The following PTPRM variants were observed in gnomAD, a reference collection of about 807,000 sequenced individuals.
The protein encoded by PTPRM is receptor-type tyrosine-protein phosphatase mu.
A neutral mutation model predicts 186.7 loss-of-function variants in PTPRM; 47 were observed. The observed-to-expected ratio is 0.25, with a 90% CI of 0.20 to 0.32. The LOEUF (loss-of-function observed/expected upper bound fraction) is 0.32, where lower values mean the gene tolerates loss of function less well. Ranked by LOEUF, PTPRM falls within the 10% of genes least tolerant of loss-of-function variation. The pLI, the probability that PTPRM is intolerant of heterozygous loss-of-function variation, is 1.00. For synonymous variants in PTPRM, 668 were observed against 674.9 expected (o/e 0.99, Z 0.16); for missense variants, 1,494 against 1,865.0 (o/e 0.80, Z 3.66).
chr18:7,735,065 G>A (rs902403043), intron 1 of PTPRM, among the ~76,000 whole-genome samples: 2 of 152,188 alleles, frequency 1.3e-5, no homozygotes, highest in African/African-American at 4.8e-5. Context: ...GACCAGGCAT[G>A]CCTCATTGTA....
chr18:7,800,436 G>A (rs544598172), intron 2 of PTPRM, among the ~76,000 whole-genome samples: 41 of 152,108 alleles, frequency 2.7e-4, no homozygotes, highest in Non-Finnish European at 4.7e-4. Flanking sequence ...AGTGGCTGAG[G>A]GCAAGGTCAG....
At chr18:7,620,421 C>T (rs1428594373) in intron 1 of PTPRM, among the ~76,000 whole-genome samples, 2 of 152,156 alleles carry the variant, frequency 1.3e-5, no homozygotes, top group South Asian at 2.1e-4. Context: ...CCTGGACCCC[C>T]GACCCCTCTT....
intron 2 of PTPRM, among the ~76,000 whole-genome samples, chr18:7,862,570 T>C (rs1033954422): frequency 2.0e-5 from 3 of 152,198 alleles, no homozygotes; most frequent in African/African-American, 7.2e-5. Flanking sequence ...GAAGAAAGTT[T>C]TAAGCAAGTG....
chr18:7,798,605 C>A (rs1346256284), intron 2 of PTPRM, among the ~76,000 whole-genome samples: 5 of 151,682 alleles, frequency 3.3e-5, no homozygotes, highest in Non-Finnish European at 7.4e-5. Context: ...TAAAAAATTA[C>A]CTCAACACCT....
chr18:7,713,034 A>G (rs961092144), intron 1 of PTPRM, among the ~76,000 whole-genome samples: 2 of 152,108 alleles, frequency 1.3e-5, no homozygotes, highest in African/African-American at 4.8e-5. Flanking sequence ...ACAAAGATAC[A>G]CCTTGAGAAG....
At chr18:8,077,592 A>G (rs16952843) in intron 9 of PTPRM, among the ~76,000 whole-genome samples, 4,695 of 152,286 alleles carry the variant, frequency 0.031, 235 homozygotes, top group African/African-American at 0.11. Context: ...CTCAGCTTTT[A>G]TAGAGCTAAG....
At chr18:8,230,402 T>G (rs945663565) in intron 14 of PTPRM, among the ~76,000 whole-genome samples, 3 of 152,230 alleles carry the variant, frequency 2.0e-5, no homozygotes, top group Non-Finnish European at 4.4e-5. Context: ...CTGGGAACTT[T>G]ATGGACAGTG....
intron 1 of PTPRM, among the ~76,000 whole-genome samples, chr18:7,591,300 T>G (rs1438432683): frequency 2.6e-5 from 4 of 152,202 alleles, no homozygotes; most frequent in African/African-American, 4.8e-5. Flanking sequence ...CACTCCTAAT[T>G]GTATTAAATC....
chr18:7,665,781 G>A (rs2039081299), intron 1 of PTPRM, among the ~76,000 whole-genome samples: 1 of 152,036 alleles, frequency 6.6e-6, no homozygotes, highest in African/African-American at 2.4e-5. Flanking sequence ...AATTAGCTGG[G>A]TGTGGTGGTG....
At chr18:8,086,069 A>T (rs1276447072) in intron 10 of PTPRM, among the ~76,000 whole-genome samples, 197 bp downstream of exon 10, 1 of 152,144 alleles carries the variant, frequency 6.6e-6, no homozygotes, top group African/African-American at 2.4e-5. Context: ...AGATCCTCAC[A>T]TGTTAGGAAG....
intron 19 of PTPRM, among the ~76,000 whole-genome samples, chr18:8,268,002 C>T (rs748134673): frequency 3.9e-5 from 6 of 152,082 alleles, no homozygotes; most frequent in Non-Finnish European, 5.9e-5. Flanking sequence ...CTTTTATTGC[C>T]TACCTTTCCT....
chr18:7,717,919 C>T (rs567700014), intron 1 of PTPRM, among the ~76,000 whole-genome samples: 27 of 152,298 alleles, frequency 1.8e-4, no homozygotes, highest in African/African-American at 6.0e-4. Flanking sequence ...AGTTCCCGCA[C>T]CTGTTTGCTT....
At chr18:7,841,605 T>C (rs1160114510) in intron 2 of PTPRM, among the ~76,000 whole-genome samples, 1 of 152,204 alleles carries the variant, frequency 6.6e-6, no homozygotes, top group Non-Finnish European at 1.5e-5. Flanking sequence ...AAATCATTTC[T>C]TAATGTGAAA....
At chr18:8,313,878 G>A (rs1339455169) in intron 20 of PTPRM, among the ~76,000 whole-genome samples, 1 of 152,002 alleles carries the variant, frequency 6.6e-6, no homozygotes, top group Non-Finnish European at 1.5e-5. Context: ...GGGGCCAGGT[G>A]CTGTGGCTGA....
intron 1 of PTPRM, among the ~76,000 whole-genome samples, chr18:7,649,292 G>A (rs1379400884): frequency 6.6e-6 from 1 of 152,168 alleles, no homozygotes; most frequent in Non-Finnish European, 1.5e-5. Flanking sequence ...AGATGTACAA[G>A]GAGATTAATG....
rs550804941 is a variant in PTPRM, at chr18:8,042,650, A to G, written c.1133-27036A>G. Among the ~76,000 whole-genome samples, 11 of 152,180 alleles carry G rather than the reference A, an allele frequency of 7.2e-5. No individual in the cohort carries two copies. The South Asian group carries it at 2.3e-3, about 32-fold the overall frequency. On this transcript the variant is annotated intron_variant, in intron 7 of 32. Transcript: ENST00000580170. ...TACCCTTGAGCTTCAGATCTAGTGT[A>G]AGTGACATGCTGGGTGTCCTTTGAG...
chr18:8,291,471 C>G (rs1010989672), intron 19 of PTPRM, among the ~76,000 whole-genome samples: 3 of 152,114 alleles, frequency 2.0e-5, no homozygotes, highest in African/African-American at 2.4e-5. Flanking sequence ...TGAGAGGAAC[C>G]CTTCTTTTCT....
At chr18:8,086,273 C>T (rs969230148) in intron 10 of PTPRM, among the ~76,000 whole-genome samples, 2 of 152,114 alleles carry the variant, frequency 1.3e-5, no homozygotes, top group Non-Finnish European at 2.9e-5. Context: ...AAGGATCAGC[C>T]TCCTTGGGAT....
intron 19 of PTPRM, among the ~76,000 whole-genome samples, chr18:8,273,040 T>C (rs1006086441): frequency 6.6e-6 from 1 of 152,202 alleles, no homozygotes; most frequent in East Asian, 1.9e-4. Flanking sequence ...TTCTAATTAG[T>C]ATTTTTTCTA....
Sources: allele counts gnomAD v4.1 joint callset (sites outside exome capture counted in the v4.1 genomes callset), GRCh38; gene constraint gnomAD v4.1.1; transcripts MANE v1.5; gene names NCBI Gene and HGNC (gene_info 2026-07-23, HGNC 2026-07-21).